The following ADRA1D variants were observed in gnomAD, a reference collection of about 807,000 sequenced individuals.
ADRA1D encodes alpha-1D adrenergic receptor.
In ADRA1D, 22 loss-of-function variants were observed where a neutral mutation model predicts 18.6. The ratio of observed to expected loss-of-function variants is 1.19; its 90% CI spans 0.85 to 1.69. ADRA1D has a LOEUF of 1.69. ADRA1D is among the 40% of genes most tolerant of loss of function. ADRA1D has a pLI of 0.00. For missense variants in ADRA1D, 840 were observed against 840.7 expected (o/e 1.00, Z 0.01); for synonymous variants, 376 against 388.2 (o/e 0.97, Z 0.37).
intron 1 of ADRA1D, among the ~76,000 whole-genome samples, chr20:4,237,836 G>GTATTTATTTATTTATTTATTTATTTATT (rs148787510): frequency 1.4e-5 from 2 of 144,598 alleles, no homozygotes; most frequent in African/African-American, 5.1e-5. Context: ...GCTAATTTTT[G>GTATTTATTTATTTATTTATTTATTTATT]TATTTATTTA....
intron 1 of ADRA1D, among the ~76,000 whole-genome samples, chr20:4,223,565 A>T (rs1266060500): frequency 6.6e-6 from 1 of 152,156 alleles, no homozygotes; most frequent in Non-Finnish European, 1.5e-5. Context: ...AGGTGGGGTG[A>T]TGATGGTGGT....
Position 4,238,176 on chromosome 20 carries a change from C to T in ADRA1D, c.1111+9671G>A, listed in dbSNP as rs190229869. On this transcript the variant is annotated intron_variant, in intron 1 of 1. Transcript: ENST00000379453. ...GCTGAGGTAGGAGAATCACTTGAAC[C>T]TGGGAGGCAGAGGTTGCAGTGAGCG... Among the ~76,000 whole-genome samples the T allele has an allele frequency of 1.0e-3, 152 of 151,844 alleles. 4 individuals carry two copies. In the East Asian group the frequency reaches 0.027, roughly 27 times the overall value.
At chr20:4,236,041 G>GGGGCTGA (rs1981081939) in intron 1 of ADRA1D, among the ~76,000 whole-genome samples, 2 of 152,248 alleles carry the variant, frequency 1.3e-5, no homozygotes, top group Non-Finnish European at 2.9e-5. Flanking sequence ...GATGTGTGTA[G>GGGGCTGA]GGGCTGAGGG....
chr20:4,228,154 C>G (rs1412648935), intron 1 of ADRA1D, among the ~76,000 whole-genome samples: 2 of 152,192 alleles, frequency 1.3e-5, no homozygotes, highest in East Asian at 3.9e-4. Context: ...CTCCTACTCA[C>G]CAGCACCTTA....
At position 4,248,641 on chromosome 20, in the gene ADRA1D, AAG is replaced by A; in HGVS notation, c.315_316del (p.Phe106HisfsTer8). On this transcript the variant is annotated frameshift_variant, in exon 1 of 2. Transcript: ENST00000379453. LOFTEE classifies it high-confidence loss of function. ...GTTACCTGCCACGGCCATAAGGATG[AAG>A]GCTGCCAGGAAGACGCCCACGCCCA... is the stretch of plus-strand genomic sequence containing the variant. The A allele has an allele frequency of 6.2e-7, 1 of 1,612,354 alleles. No individual in the cohort carries two copies.
chr20:4,234,481 T>A (rs1981043838), intron 1 of ADRA1D, among the ~76,000 whole-genome samples: 1 of 152,140 alleles, frequency 6.6e-6, no homozygotes, highest in South Asian at 2.1e-4. Flanking sequence ...GACTTTTCTA[T>A]CCATAGTAAG....
chr20:4,240,013 G>C (rs1156660810), intron 1 of ADRA1D, among the ~76,000 whole-genome samples: 1 of 152,222 alleles, frequency 6.6e-6, no homozygotes, highest in East Asian at 1.9e-4. Flanking sequence ...GGGTCACTTT[G>C]TAATGGACAG....
intron 1 of ADRA1D, among the ~76,000 whole-genome samples, chr20:4,246,188 C>T (rs1365382388): frequency 1.3e-5 from 2 of 152,148 alleles, no homozygotes; most frequent in South Asian, 2.1e-4. Context: ...TGCTGAGTGC[C>T]GTGGACTCAG....
At chr20:4,232,388 G>T (rs1013302723) in intron 1 of ADRA1D, among the ~76,000 whole-genome samples, 3 of 152,184 alleles carry the variant, frequency 2.0e-5, no homozygotes, top group Non-Finnish European at 4.4e-5. Flanking sequence ...TCTGGAGTGT[G>T]CGTGCTCGGA....
chr20:4,242,858 T>TG (rs1568768517), intron 1 of ADRA1D, among the ~76,000 whole-genome samples: 4 of 151,004 alleles, frequency 2.6e-5, no homozygotes, highest in Non-Finnish European at 4.4e-5. Context: ...GGTGGGGCTG[T>TG]TGTGTGTGTG....
At position 4,248,750 on chromosome 20, in the gene ADRA1D, C is replaced by A; in HGVS notation, c.208G>T (p.Gly70Trp). 6.6e-7 allele frequency: 1 copy of A among 1,511,880 alleles called. No individual in the cohort carries two copies. The highest frequency in any genetic ancestry group is 1.3e-5 in the South Asian group (1 of 78,398). The allele number at this position is 1,511,880 out of a possible 1,614,324, so 93.7% of individuals were successfully genotyped here. The change falls in exon 1 of 2, where the codon GGG becomes TGG. Residue 70 changes from glycine (G) to tryptophan (W), a missense_variant. Physicochemically the swap from Gly to Trp is radical, Grantham distance 184 (BLOSUM62 -2). Transcript: ENST00000379453. ...GSGEDNRSSA[G>W]EPGSAGAGGD... ...CCCGCGCCCGCGCTCCCCGGCTCCC[C>A]CGCGGAGCTCCGGTTGTCCTCGCCG...
intron 1 of ADRA1D, among the ~76,000 whole-genome samples, chr20:4,225,858 T>C (rs1980786883): frequency 6.6e-6 from 1 of 152,076 alleles, no homozygotes; most frequent in Non-Finnish European, 1.5e-5. Flanking sequence ...CACTGGCGCA[T>C]TAGTCAGGAT....
chr20:4,237,817 C>T (rs1981128854), intron 1 of ADRA1D, among the ~76,000 whole-genome samples: 2 of 130,302 alleles, frequency 1.5e-5, no homozygotes, highest in South Asian at 4.9e-4. Flanking sequence ...GCACATGCCA[C>T]CATTCCTGGC....
Position 4,248,796 on chromosome 20 carries a change from G to T in ADRA1D, c.162C>A (p.Gly54=). The T allele has an allele frequency of 8.6e-7, 1 of 1,161,636 alleles. No homozygotes were observed. Among genetic ancestry groups the T allele is most frequent in the Non-Finnish European group, 1.1e-6 (1 of 943,866 alleles). 72.0% of individuals were successfully genotyped at this position (1,161,636 alleles called of 1,614,324 possible). Residue 54 remains glycine (G), a synonymous_variant, in exon 1 of 2, where the codon GGC becomes GGA. Coordinates refer to ENST00000379453, the MANE Select transcript of ADRA1D (RefSeq NM_000678.4). ...GGVPGGAGGG[G]GVVGAGSGED... ...CGCCGCTGCCTGCGCCCACCACGCC[G>T]CCGCCGCCGCCCGCGCCCCCCGGCA...
At chr20:4,247,601 A>T (rs1241854234) in intron 1 of ADRA1D, among the ~76,000 whole-genome samples, 1 of 152,236 alleles carries the variant, frequency 6.6e-6, no homozygotes, top group Non-Finnish European at 1.5e-5. Context: ...CATAAGCCCA[A>T]GGCTTGGAAA....
chr20:4,231,040 T>C (rs201612938), intron 1 of ADRA1D, among the ~76,000 whole-genome samples: 9 of 37,804 alleles, frequency 2.4e-4, no homozygotes, highest in African/African-American at 2.1e-3. Flanking sequence ...TTCTTTCTTT[T>C]TCTTTCTTTC....
intron 1 of ADRA1D, among the ~76,000 whole-genome samples, chr20:4,228,507 C>T (rs1285373973): frequency 6.6e-6 from 1 of 152,214 alleles, no homozygotes; most frequent in African/African-American, 2.4e-5. Flanking sequence ...ATGTATGAGG[C>T]ACCTACTACG....
At chr20:4,236,730 A>G (rs1981101346) in intron 1 of ADRA1D, among the ~76,000 whole-genome samples, 1 of 152,222 alleles carries the variant, frequency 6.6e-6, no homozygotes, top group African/African-American at 2.4e-5. Flanking sequence ...AAGACTCCTC[A>G]GACAGGAAGG....
chr20:4,242,944 G>A (rs1442258329), intron 1 of ADRA1D, among the ~76,000 whole-genome samples: 2 of 152,024 alleles, frequency 1.3e-5, no homozygotes, highest in Non-Finnish European at 2.9e-5. Context: ...TTACCAGGCA[G>A]CCCAAACCCA....
Sources: allele counts gnomAD v4.1 joint callset (sites outside exome capture counted in the v4.1 genomes callset), GRCh38; gene constraint gnomAD v4.1.1; transcripts MANE v1.5; gene names NCBI Gene and HGNC (gene_info 2026-07-23, HGNC 2026-07-21).